Variants in RALGPS2 observed in about 807,000 individuals in gnomAD.
RALGPS2 encodes Ral GEF with PH domain and SH3 binding motif 2, also known as ras-specific guanine nucleotide-releasing factor RalGPS2.
A neutral mutation model predicts 86.8 loss-of-function variants in RALGPS2; 43 were observed. That is an observed-to-expected ratio of 0.50 (90% CI 0.39 to 0.64). RALGPS2 has a LOEUF of 0.64. RALGPS2 is among the 30% of genes least tolerant of loss of function. The pLI, the probability that RALGPS2 is intolerant of heterozygous loss-of-function variation, is 0.00. For missense variants in RALGPS2, 536 were observed against 694.6 expected (o/e 0.77, Z 2.57); for synonymous variants, 243 against 231.3 (o/e 1.05, Z -0.46).
intron 2 of RALGPS2, among the ~76,000 whole-genome samples, chr1:178,778,869 T>C (rs1653239369): frequency 6.6e-6 from 1 of 152,244 alleles, no homozygotes; most frequent in Admixed American, 6.5e-5. Context: ...TTTTAACTTT[T>C]ATTTTAGTGA....
chr1:178,786,255 T>A (rs554242394), intron 4 of RALGPS2, among the ~76,000 whole-genome samples: 1 of 152,212 alleles, frequency 6.6e-6, no homozygotes, highest in East Asian at 1.9e-4. Flanking sequence ...GCTGCATTAC[T>A]TACTGGAGGA....
At chr1:178,879,974 A>C (rs1031494144) in intron 10 of RALGPS2, among the ~76,000 whole-genome samples, 1 of 151,992 alleles carries the variant, frequency 6.6e-6, no homozygotes, top group African/African-American at 2.4e-5. Flanking sequence ...AGGTAGGAGG[A>C]TAAAGAGCTT....
In RALGPS2 at chr1:178,893,916, T is replaced by C. The variant is rs1456194611; in HGVS notation, c.1326-3T>C. On this transcript the variant is annotated splice_polypyrimidine_tract_variant and splice_region_variant and intron_variant, in intron 15 of 19. Transcript: ENST00000367635. ...TTATGTGTTCTTTTCTTCGTTATTA[T>C]AGTTCTGCAGAATCAGAAGATTTGG... The C allele has an allele frequency of 1.3e-6, 2 of 1,579,144 alleles. No homozygotes were observed. Among genetic ancestry groups the C allele is most frequent in the East Asian group, 2.2e-5 (1 of 44,504 alleles).
At chr1:178,739,288 T>A (rs928248863) in intron 1 of RALGPS2, among the ~76,000 whole-genome samples, 3 of 152,242 alleles carry the variant, frequency 2.0e-5, no homozygotes, top group African/African-American at 7.2e-5. Flanking sequence ...GTAAGCACAG[T>A]ACTTGAGAGT....
chr1:178,897,469 G>T (rs1659998834), intron 16 of RALGPS2, among the ~76,000 whole-genome samples, 195 bp from the exon 17 acceptor site: 1 of 152,028 alleles, frequency 6.6e-6, no homozygotes, highest in Non-Finnish European at 1.5e-5. Context: ...GACTGAGTAT[G>T]TGGGTCTACA....
intron 14 of RALGPS2, among the ~76,000 whole-genome samples, chr1:178,891,315 G>A (rs991857695): frequency 1.3e-5 from 2 of 152,046 alleles, no homozygotes; most frequent in Non-Finnish European, 2.9e-5. Flanking sequence ...AATAGAAAGT[G>A]AATAAAGAAC....
rs760502789 is a variant in RALGPS2 at position 178,808,094 on chromosome 1, C to T, written c.263C>T (p.Pro88Leu). 1 of 1,610,856 alleles carries T rather than the reference C, an allele frequency of 6.2e-7. No homozygotes were observed. Among genetic ancestry groups the T allele is most frequent in the South Asian group, 1.1e-5 (1 of 90,812 alleles). The change falls in exon 5 of 20, where the codon CCA becomes CTA. Residue 88 changes from proline (P) to leucine (L), a missense_variant. Pro to Leu is a moderately conservative substitution (Grantham distance 98, BLOSUM62 -3). Around this residue, in one of 3 missense-constraint regions of RALGPS2, gnomAD observed 184 missense variants for 296.7 expected, o/e 0.62. Coordinates refer to ENST00000367635, the MANE Select transcript of RALGPS2 (RefSeq NM_152663.5). Reference sequence around the variant, plus strand: ...AAAAAAGAAAAATATAGTTCTGCACCAAATGCAGTTGCCTTCACAAGAAGA... The same window carrying T: ...AAAAAAGAAAAATATAGTTCTGCACTAAATGCAGTTGCCTTCACAAGAAGA... ...WNKKEKYSSAPNAVAFTRRFN... is the reference protein window; with the variant it reads ...WNKKEKYSSALNAVAFTRRFN...
At chr1:178,835,991 AT>A (rs1176699023) in intron 8 of RALGPS2, among the ~76,000 whole-genome samples, 1 of 152,246 alleles carries the variant, frequency 6.6e-6, no homozygotes, top group Non-Finnish European at 1.5e-5. Context: ...GATAATAGGA[AT>A]CCTTATGCTG....
At chr1:178,783,019 C>A (rs965554774) in intron 2 of RALGPS2, among the ~76,000 whole-genome samples, 1 of 152,032 alleles carries the variant, frequency 6.6e-6, no homozygotes, top group Non-Finnish European at 1.5e-5. Context: ...GCAACAGAAC[C>A]ACACTCATGA....
intron 1 of RALGPS2, among the ~76,000 whole-genome samples, chr1:178,771,640 CTAAT>C (rs1176199994): frequency 3.3e-5 from 5 of 151,570 alleles, no homozygotes; most frequent in Non-Finnish European, 1.5e-5. Flanking sequence ...TTACTTTTTT[CTAAT>C]TAATGTCTTT....
intron 13 of RALGPS2, 93 bp downstream of exon 13, chr1:178,886,213 G>T: frequency 7.4e-7 from 1 of 1,343,086 alleles, no homozygotes; most frequent in Non-Finnish European, 1.0e-6. Flanking sequence ...CACACACAGA[G>T]AAAATTTGGT....
chr1:178,769,878 G>A (rs997070715), intron 1 of RALGPS2, among the ~76,000 whole-genome samples: 22 of 152,042 alleles, frequency 1.4e-4, no homozygotes, highest in African/African-American at 5.3e-4. Flanking sequence ...ACAGAGAGAG[G>A]CTCTCTGCCT....
chr1:178,860,491 A>G (rs1306324303), intron 8 of RALGPS2, among the ~76,000 whole-genome samples: 1 of 152,112 alleles, frequency 6.6e-6, no homozygotes, highest in Non-Finnish European at 1.5e-5. Context: ...TGTACAGTTT[A>G]TTGGCATTAA....
chr1:178,766,355 G>A (rs1293450478), intron 1 of RALGPS2, among the ~76,000 whole-genome samples: 1 of 151,768 alleles, frequency 6.6e-6, no homozygotes, highest in African/African-American at 2.4e-5. Context: ...GAGTAGCTGG[G>A]ATTACAGGTG....
intron 18 of RALGPS2, among the ~76,000 whole-genome samples, chr1:178,905,092 GT>G: frequency 6.6e-6 from 1 of 151,774 alleles, no homozygotes; most frequent in South Asian, 2.1e-4. Context: ...TTCCTAAGTG[GT>G]TTTTTGTTTT....
intron 18 of RALGPS2, among the ~76,000 whole-genome samples, chr1:178,903,038 C>T (rs1215766258): frequency 6.6e-6 from 1 of 152,088 alleles, no homozygotes; most frequent in African/African-American, 2.4e-5. Flanking sequence ...GTGGATACCT[C>T]AAGGCTCATC....
At chr1:178,771,128 C>T (rs940361146) in intron 1 of RALGPS2, among the ~76,000 whole-genome samples, 11 of 152,142 alleles carry the variant, frequency 7.2e-5, no homozygotes, top group East Asian at 5.8e-4. Flanking sequence ...CGTGAGCCAC[C>T]GCACCCAGCC....
intron 1 of RALGPS2, among the ~76,000 whole-genome samples, chr1:178,775,693 T>C (rs1252292078): frequency 2.0e-5 from 3 of 152,158 alleles, no homozygotes. Flanking sequence ...GCTCCTTATT[T>C]ACCATCCTGT....
At chr1:178,827,393 T>A (rs1327401345) in intron 7 of RALGPS2, among the ~76,000 whole-genome samples, 1 of 88,818 alleles carries the variant, frequency 1.1e-5, no homozygotes, top group Non-Finnish European at 1.9e-5. Flanking sequence ...TACTCTCTGA[T>A]TTTTTTTTTT....
Sources: allele counts gnomAD v4.1 joint callset (sites outside exome capture counted in the v4.1 genomes callset), GRCh38; gene constraint gnomAD v4.1.1; regional missense constraint gnomAD v4.1.1; transcripts MANE v1.5; gene names NCBI Gene and HGNC (gene_info 2026-07-23, HGNC 2026-07-21).